FBXL7: variants seen among roughly 807,000 people sequenced by gnomAD.
FBXL7 encodes F-box and leucine rich repeat protein 7.
In FBXL7, 12 loss-of-function variants were observed where a neutral mutation model predicts 38.3. The observed-to-expected ratio is 0.31, with a 90% confidence interval of 0.20 to 0.51. FBXL7 has a LOEUF of 0.51. Ranked by LOEUF, FBXL7 falls within the 20% of genes least tolerant of loss-of-function variation. The pLI is 0.98. For synonymous variants in FBXL7, 297 were observed against 300.9 expected (o/e 0.99, Z 0.13); for missense variants, 567 against 676.4 (o/e 0.84, Z 1.79).
chr5:15,871,483 G>A (rs1739961214), intron 2 of FBXL7, among the ~76,000 whole-genome samples: 2 of 152,122 alleles, frequency 1.3e-5, no homozygotes, highest in Non-Finnish European at 2.9e-5. Context: ...GCTTCAGAAG[G>A]TGGGTAATAA....
At chr5:15,890,227 G>A (rs149960510) in intron 2 of FBXL7, among the ~76,000 whole-genome samples, 361 of 152,116 alleles carry the variant, frequency 2.4e-3, no homozygotes, top group Middle Eastern at 0.01. Context: ...CCACCTGTCA[G>A]ATCAGCAGGG....
At chr5:15,580,012 A>G (rs1035489044) in intron 1 of FBXL7, among the ~76,000 whole-genome samples, 7 of 152,100 alleles carry the variant, frequency 4.6e-5, no homozygotes, top group African/African-American at 1.7e-4. Context: ...ACTAGACTGA[A>G]TGTTTGTGTC....
intron 1 of FBXL7, among the ~76,000 whole-genome samples, chr5:15,583,903 C>A (rs1329353403): frequency 1.3e-5 from 2 of 152,224 alleles, no homozygotes; most frequent in African/African-American, 2.4e-5. Context: ...ACCCCTACAG[C>A]AAACTTCTCT....
chr5:15,591,540 A>G (rs1353619374), intron 1 of FBXL7, among the ~76,000 whole-genome samples: 1 of 152,158 alleles, frequency 6.6e-6, no homozygotes, highest in South Asian at 2.1e-4. Flanking sequence ...GCACCTAGGA[A>G]GGCTGAGGGT....
intron 2 of FBXL7, among the ~76,000 whole-genome samples, chr5:15,800,521 T>C (rs958211559): frequency 6.6e-6 from 1 of 152,226 alleles, no homozygotes; most frequent in African/African-American, 2.4e-5. Flanking sequence ...AAATGGTCAC[T>C]AATGTTGATT....
intron 1 of FBXL7, among the ~76,000 whole-genome samples, chr5:15,561,220 CTATT>C (rs993091142): frequency 3.9e-5 from 6 of 152,230 alleles, no homozygotes; most frequent in African/African-American, 1.4e-4. Context: ...TGACCTCTAT[CTATT>C]CCTTCTTCCT....
chr5:15,777,720 T>TAAAAAAAAAAAAAA lies in FBXL7; in HGVS notation c.128-150157_128-150144dup, dbSNP rs371293320. ...TATTGTTTGCAAACCCCTATTCTGG[T>TAAAAAAAAAAAAAA]AAAAAAAAAAAAAAAAAAAAAAAAA... On this transcript the variant is annotated intron_variant, in intron 2 of 3. Coordinates refer to ENST00000504595, the MANE Select transcript of FBXL7 (RefSeq NM_012304.5). Among the ~76,000 whole-genome samples the TAAAAAAAAAAAAAA allele has an allele frequency of 7.9e-4, 65 of 82,490 alleles. 2 individuals are homozygous for TAAAAAAAAAAAAAA. Among genetic ancestry groups the TAAAAAAAAAAAAAA allele is most frequent in the African/African-American group, 3.1e-3 (55 of 17,706 alleles). 54.1% of individuals were successfully genotyped at this position (82,490 alleles called of 152,430 possible). A position where few individuals can be genotyped will look rare whatever the true frequency, so the allele number is the denominator to read the frequency against.
At chr5:15,667,714 C>T (rs1046294226) in intron 2 of FBXL7, among the ~76,000 whole-genome samples, 10 of 152,208 alleles carry the variant, frequency 6.6e-5, no homozygotes, top group African/African-American at 2.4e-4. Context: ...TTCACCCTAT[C>T]TTGTAGGCTT....
intron 2 of FBXL7, among the ~76,000 whole-genome samples, chr5:15,823,586 G>C (rs982226150): frequency 1.1e-4 from 17 of 152,026 alleles, no homozygotes; most frequent in Admixed American, 7.9e-4. Flanking sequence ...TTACTTGGAG[G>C]CTTCCCAGGT....
rs371293320 is a variant in FBXL7, at chr5:15,777,720, TAAAAAAAAA to T, written c.128-150152_128-150144del. On this transcript the variant is annotated intron_variant, in intron 2 of 3. Transcript: ENST00000504595. ...TATTGTTTGCAAACCCCTATTCTGG[TAAAAAAAAA>T]AAAAAAAAAAAAAAAAAGTAAATTC... Among the ~76,000 whole-genome samples, 754 of 82,532 alleles carry T rather than the reference TAAAAAAAAA, an allele frequency of 9.1e-3. 7 individuals are homozygous for T. Among genetic ancestry groups the T allele is most frequent in the African/African-American group, 0.035 (627 of 17,736 alleles). The allele number at this position is 82,532 out of a possible 152,430, so 54.1% of individuals were successfully genotyped here.
Position 15,937,744 on chromosome 5 carries a change from A to T in FBXL7, c.*558A>T, listed in dbSNP as rs946253002. On this transcript the variant is annotated 3_prime_UTR_variant, in exon 4 of 4. Transcript: ENST00000504595. ...GGCAAAATACTTTTCAGGCCTTTTT[A>T]AAAAATTCATTACAGCAAACAGCTG... The T allele has an allele frequency of 6.5e-6, 1 of 152,766 alleles. No homozygotes were observed. Among genetic ancestry groups the T allele is most frequent in the African/African-American group, 2.4e-5 (1 of 41,404 alleles). 9.5% of individuals were successfully genotyped at this position (152,766 alleles called of 1,614,324 possible). A position where few individuals can be genotyped will look rare whatever the true frequency, so the allele number is the denominator to read the frequency against.
chr5:15,733,560 G>C (rs757047898), intron 2 of FBXL7, among the ~76,000 whole-genome samples: 59 of 152,168 alleles, frequency 3.9e-4, no homozygotes, highest in Admixed American at 1.0e-3. Flanking sequence ...CAACAAAAAT[G>C]ACTGAAACAT....
At chr5:15,728,690 T>C (rs1411863606) in intron 2 of FBXL7, among the ~76,000 whole-genome samples, 1 of 152,174 alleles carries the variant, frequency 6.6e-6, no homozygotes, top group Non-Finnish European at 1.5e-5. Flanking sequence ...GATCAAACCA[T>C]GAACTCTGCT....
intron 2 of FBXL7, among the ~76,000 whole-genome samples, chr5:15,668,035 A>G (rs1328260583): frequency 6.6e-6 from 1 of 152,184 alleles, no homozygotes; most frequent in East Asian, 1.9e-4. Flanking sequence ...CATTGTTTGT[A>G]TCATTACCTC....
chr5:15,849,991 G>T (rs1166289821), intron 2 of FBXL7, among the ~76,000 whole-genome samples: 1 of 152,122 alleles, frequency 6.6e-6, no homozygotes, highest in Non-Finnish European at 1.5e-5. Context: ...GCTAGTGGGG[G>T]TTGACTTAGG....
chr5:15,597,463 G>T (rs1350192588), intron 1 of FBXL7, among the ~76,000 whole-genome samples: 1 of 135,738 alleles, frequency 7.4e-6, no homozygotes, highest in Non-Finnish European at 1.5e-5. Context: ...AACCATATAT[G>T]TGAAAATATC....
chr5:15,628,623 A>G (rs1740894887), intron 2 of FBXL7, among the ~76,000 whole-genome samples: 1 of 152,200 alleles, frequency 6.6e-6, no homozygotes, highest in African/African-American at 2.4e-5. Context: ...CACGTCCATA[A>G]TATTCAATGT....
At chr5:15,733,386 G>A (rs1328507828) in intron 2 of FBXL7, among the ~76,000 whole-genome samples, 3 of 10,146 alleles carry the variant, frequency 3.0e-4, no homozygotes, top group African/African-American at 7.1e-4. Context: ...CCACCGCCCC[G>A]GCCAGAAATC....
rs181411585 is a variant in FBXL7, at chr5:15,750,885, G to A, written c.127+134813G>A. On this transcript the variant is annotated intron_variant, in intron 2 of 3. Transcript: ENST00000504595. ...CATGTAGGTGGACTGCAGATCTGAAGTTCACTGGCAGAAGTGGGACTGACA... is the reference window on the plus strand; with the variant it reads ...CATGTAGGTGGACTGCAGATCTGAAATTCACTGGCAGAAGTGGGACTGACA... 3.0e-3 allele frequency among the ~76,000 whole-genome samples: 460 copies of A among 152,320 alleles called. 6 individuals carry two copies. Among genetic ancestry groups the A allele is most frequent in the African/African-American group, 0.011 (439 of 41,572 alleles).
Sources: allele counts gnomAD v4.1 joint callset (sites outside exome capture counted in the v4.1 genomes callset), GRCh38; gene constraint gnomAD v4.1.1; transcripts MANE v1.5; gene names NCBI Gene and HGNC (gene_info 2026-07-23, HGNC 2026-07-21).